CAMK2A: variants seen among roughly 807,000 people sequenced by gnomAD.
CAMK2A encodes the protein calcium/calmodulin-dependent protein kinase type II subunit alpha.
In CAMK2A, 7 loss-of-function variants were observed where a neutral mutation model predicts 79.2. The ratio of observed to expected loss-of-function variants is 0.09; its 90% CI spans 0.05 to 0.17. The LOEUF is 0.17. Among genes scored for constraint, CAMK2A ranks in the 10% least tolerant of loss-of-function variants. The pLI, the probability that CAMK2A is intolerant of heterozygous loss-of-function variation, is 1.00. For synonymous variants in CAMK2A, 242 were observed against 251.7 expected, an observed-to-expected ratio of 0.96 and a Z score of 0.36; for missense variants, 214 against 646.4, an observed-to-expected ratio of 0.33 and a Z score of 7.25.
chr5:150,219,575 C>CCT lies in CAMK2A; in HGVS notation c.*3134_*3135insAG, dbSNP rs1754192837. 1 of 126,020 alleles carries CCT rather than the reference C, an allele frequency of 7.9e-6. No individual in the cohort carries two copies. Among genetic ancestry groups the CCT allele is most frequent in the Non-Finnish European group, 1.7e-5 (1 of 59,600 alleles). The allele number at this position is 126,020 out of a possible 1,614,324, so 7.8% of individuals were successfully genotyped here. On this transcript the variant is annotated 3_prime_UTR_variant, in exon 19 of 19. Transcript: ENST00000671881. ...CTTCTTCCCATCCCACCCGCCCCCC[C>CCT]CAATAGCAGAAAGTTTGAGCAGTGT...
intron 11 of CAMK2A, among the ~76,000 whole-genome samples, chr5:150,248,305 T>A (rs1046314015): frequency 1.4e-5 from 2 of 144,746 alleles, no homozygotes; most frequent in African/African-American, 5.3e-5. Context: ...CTCTTTTTTT[T>A]TTTTATTTCC....
chr5:150,273,367 C>T (rs1017089449), intron 1 of CAMK2A, among the ~76,000 whole-genome samples: 3 of 152,202 alleles, frequency 2.0e-5, no homozygotes, highest in African/African-American at 7.2e-5. Flanking sequence ...AGATTAGAAG[C>T]TTGGCCTCAA....
rs141700818 is a variant in CAMK2A at position 150,277,598 on chromosome 5, C to A, written c.63-4439G>T. Among the ~76,000 whole-genome samples, 279 of 152,316 alleles carry A rather than the reference C, an allele frequency of 1.8e-3. 1 individual carries two copies. In the South Asian group the frequency reaches 0.024, roughly 13 times the overall value. On this transcript the variant is annotated intron_variant, in intron 1 of 18. Coordinates refer to ENST00000671881, the MANE Select transcript of CAMK2A (RefSeq NM_015981.4). ...GAGGCTCCTCACTGAAGGTCCATGC[C>A]GTAGATGGGGTAGTGTGGGGACCCT... is the stretch of plus-strand genomic sequence containing the variant.
chr5:150,264,719 C>A (rs979840788), intron 3 of CAMK2A, among the ~76,000 whole-genome samples: 4 of 151,786 alleles, frequency 2.6e-5, no homozygotes, highest in Admixed American at 1.3e-4. Flanking sequence ...ACAGCTTTTC[C>A]GGAGGCTGCC....
intron 15 of CAMK2A, among the ~76,000 whole-genome samples, chr5:150,237,281 T>C (rs1355859676): frequency 6.6e-6 from 1 of 152,186 alleles, no homozygotes; most frequent in East Asian, 1.9e-4. Context: ...AATGCTCTTT[T>C]TCCCATCTCT....
intron 15 of CAMK2A, among the ~76,000 whole-genome samples, chr5:150,233,445 A>G (rs1164531684): frequency 3.3e-5 from 5 of 152,174 alleles, no homozygotes; most frequent in African/African-American, 1.2e-4. Flanking sequence ...TCCTGGCTCC[A>G]GTCAGAATCA....
chr5:150,251,872 C>T (rs369643422), intron 8 of CAMK2A, 28 bp from the exon 9 acceptor site: 154 of 1,578,178 alleles, frequency 9.8e-5, no homozygotes, highest in Non-Finnish European at 1.2e-4. Context: ...GAACCTTCAA[C>T]CCCCTGTGGG....
rs1277501521 is a variant in CAMK2A at position 150,273,102 on chromosome 5, A to G, written c.120T>C (p.Ala40=). 3.1e-6 allele frequency: 5 copies of G among 1,613,830 alleles called. No homozygotes were observed. The highest frequency in any genetic ancestry group is 4.2e-6 in the Non-Finnish European group (5 of 1,179,952). ...CVKVLAGQEY[A]AKIINTKKLS... is the part of the protein sequence containing the mutation. ...GCTTCTTTGTGTTGATGATCTTGGC[A>G]GCATACTCCTGGCCAGCCAGCACCT... Residue 40 remains alanine, a synonymous_variant, in exon 2 of 19, where the codon GCT becomes GCC. Coordinates refer to ENST00000671881, the MANE Select transcript of CAMK2A (RefSeq NM_015981.4).
intron 1 of CAMK2A, among the ~76,000 whole-genome samples, chr5:150,279,829 T>A (rs146818409): frequency 1.2e-4 from 19 of 152,336 alleles, no homozygotes; most frequent in South Asian, 1.2e-3. Context: ...AACGTGCTAA[T>A]GGGCTGTGAA....
rs113302845 is a variant in CAMK2A at position 150,264,144 on chromosome 5, T to C, written c.217+812A>G. 2.7e-3 allele frequency among the ~76,000 whole-genome samples: 408 copies of C among 151,994 alleles called. 4 individuals carry two copies. Among genetic ancestry groups the C allele is most frequent in the African/African-American group, 8.3e-3 (343 of 41,408 alleles). On this transcript the variant is annotated intron_variant, in intron 3 of 18. Coordinates refer to ENST00000671881, the MANE Select transcript of CAMK2A (RefSeq NM_015981.4). ...GCAGGCTTGGCATCAACTCAGAGAG[T>C]GTTAGAACTGCAAAATCCTGGCCCC...
At chr5:150,271,628 T>G (rs749385113) in intron 2 of CAMK2A, among the ~76,000 whole-genome samples, 9 of 152,108 alleles carry the variant, frequency 5.9e-5, no homozygotes, top group Non-Finnish European at 1.2e-4. Context: ...AGCCCATACC[T>G]GCACCCACCT....
intron 15 of CAMK2A, among the ~76,000 whole-genome samples, chr5:150,231,820 T>C (rs1754856467): frequency 6.6e-6 from 1 of 152,200 alleles, no homozygotes. Context: ...CTGTCACTGA[T>C]AGCCATGAGC....
Position 150,280,597 on chromosome 5 carries a change from G to A in CAMK2A, c.63-7438C>T, listed in dbSNP as rs527285621. On this transcript the variant is annotated intron_variant, in intron 1 of 18. Coordinates refer to ENST00000671881, the MANE Select transcript of CAMK2A (RefSeq NM_015981.4). ...CTGGCTGCCGCCCCCAGGGCTCCAT[G>A]GAAGAAATGCCTGCGCCAGGTTCGC... Among the ~76,000 whole-genome samples the A allele has an allele frequency of 1.7e-4, 26 of 152,096 alleles. 1 individual carries two copies. Among genetic ancestry groups the A allele is most frequent in the South Asian group, 4.1e-4 (2 of 4,824 alleles).
At chr5:150,273,226 G>A (rs1249324063) in intron 1 of CAMK2A, 67 bp from the exon 2 acceptor site, 2 of 1,224,804 alleles carry the variant, frequency 1.6e-6, no homozygotes, top group Non-Finnish European at 2.4e-6. Flanking sequence ...GGAGATGTTG[G>A]AGTTCACATC....
chr5:150,289,958 C>T (rs1757595429), upstream of CAMK2A: 1 of 297,036 alleles, frequency 3.4e-6, no homozygotes, highest in African/African-American at 2.2e-5. Flanking sequence ...TACTGCAAGC[C>T]TGTGTGGGCC....
chr5:150,224,562 TAAG>T (rs1754501039), intron 17 of CAMK2A, among the ~76,000 whole-genome samples: 1 of 152,118 alleles, frequency 6.6e-6, no homozygotes, highest in African/African-American at 2.4e-5. Context: ...AGGCTTTGAA[TAAG>T]GACTTAAAAT....
In CAMK2A at chr5:150,247,896, G is replaced by A. The variant is rs547433257; in HGVS notation, c.901-82C>T. On this transcript the variant is annotated intron_variant, in intron 11 of 18. Coordinates refer to ENST00000671881, the MANE Select transcript of CAMK2A (RefSeq NM_015981.4). ...AGGGACAGAGAGACGGGAGGGCCAC[G>A]GGGAAGGAGAGGCAGGTGCTGCATT... 34 of 1,160,240 alleles carry A rather than the reference G, an allele frequency of 2.9e-5. No individual in the cohort carries two copies. The East Asian group carries it at 6.2e-4, about 21-fold the overall frequency. The allele number at this position is 1,160,240 out of a possible 1,614,324, so 71.9% of individuals were successfully genotyped here. A position where few individuals can be genotyped will look rare whatever the true frequency, so the allele number is the denominator to read the frequency against.
At chr5:150,286,255 G>C (rs986190354) in intron 1 of CAMK2A, among the ~76,000 whole-genome samples, 5 of 152,228 alleles carry the variant, frequency 3.3e-5, no homozygotes, top group African/African-American at 1.2e-4. Flanking sequence ...CCGGAATCAA[G>C]TTCTTGACTC....
intron 1 of CAMK2A, among the ~76,000 whole-genome samples, chr5:150,276,503 G>T (rs189937379): frequency 1.3e-5 from 2 of 152,180 alleles, no homozygotes; most frequent in Non-Finnish European, 2.9e-5. Flanking sequence ...GGAAGGTGGG[G>T]GACAACTAGT....
Sources: allele counts gnomAD v4.1 joint callset (sites outside exome capture counted in the v4.1 genomes callset), GRCh38; gene constraint gnomAD v4.1.1; transcripts MANE v1.5; gene names NCBI Gene and HGNC (gene_info 2026-07-23, HGNC 2026-07-21).